Variants in IL1R1 observed in about 807,000 individuals in gnomAD.
The protein encoded by IL1R1 is interleukin 1 receptor type 1.
In IL1R1, 22 loss-of-function variants were observed where a neutral mutation model predicts 50.2. The observed-to-expected ratio is 0.44, with a 90% CI of 0.31 to 0.63. The LOEUF is 0.63. Among genes scored for constraint, IL1R1 ranks in the 20% least tolerant of loss-of-function variants. The pLI is 0.07. For synonymous variants in IL1R1, 251 were observed against 236.7 expected (o/e 1.06, Z -0.55); for missense variants, 509 against 676.2 (o/e 0.75, Z 2.74).
At chr2:102,176,190 AAATT>A (rs2104654917) in intron 11 of IL1R1, 159 bp from the exon 12 acceptor site, 1 of 623,110 alleles carries the variant, frequency 1.6e-6, no homozygotes, top group Non-Finnish European at 2.7e-6. Context: ...CTGTCTCTTA[AAATT>A]AATTAATTAA....
At chr2:102,102,037 C>T (rs556960840), upstream of IL1R1, among the ~76,000 whole-genome samples, 1 of 152,120 alleles carries the variant, frequency 6.6e-6, no homozygotes, top group African/African-American at 2.4e-5. Context: ...AGTGCAGATT[C>T]CTCCAATTTT....
At chr2:102,127,657 CTGTGTGTGTGTGTGTGTGTGTG>C (rs60587758) in intron 1 of IL1R1, among the ~76,000 whole-genome samples, 1 of 144,844 alleles carries the variant, frequency 6.9e-6, no homozygotes, top group East Asian at 2.0e-4. Flanking sequence ...GTGTGTGTGA[CTGTGTGTGTGTGTGTGTGTGTG>C]TGTGTGTGTG....
At chr2:102,102,214 G>A (rs1371500553), upstream of IL1R1, among the ~76,000 whole-genome samples, 3 of 152,222 alleles carry the variant, frequency 2.0e-5, no homozygotes, top group Non-Finnish European at 4.4e-5. Context: ...GTACCAGGAA[G>A]TATGAGACAA....
At chr2:102,088,577 C>G (rs144739319) in intron 1 of IL1R1, among the ~76,000 whole-genome samples, 1 of 152,312 alleles carries the variant, frequency 6.6e-6, no homozygotes, top group East Asian at 1.9e-4. Context: ...GAGAAATGGA[C>G]GTTGGCGTCA....
chr2:102,117,712 T>C (rs1205991736), intron 1 of IL1R1, among the ~76,000 whole-genome samples: 1 of 152,074 alleles, frequency 6.6e-6, no homozygotes, highest in African/African-American at 2.4e-5. Flanking sequence ...GGAGGTGTAG[T>C]AAGGATTTCT....
rs745865524 is a variant in IL1R1, at chr2:102,157,709, A to G, written c.-6-10A>G. On this transcript the variant is annotated splice_polypyrimidine_tract_variant and intron_variant, in intron 2 of 11. Transcript: ENST00000410023. The stretch of plus-strand genomic sequence containing the variant: ...GCTTTTGTCTTTCTTTCGTTCCTCC[A>G]TTTCTCCAGAAGAATATGAAAGTGT... 1 of 1,577,688 alleles carries G rather than the reference A, an allele frequency of 6.3e-7. No homozygotes were observed. The highest frequency in any genetic ancestry group is 1.1e-5 in the South Asian group (1 of 89,682).
intron 6 of IL1R1, among the ~76,000 whole-genome samples, chr2:102,167,451 T>A (rs1362221004): frequency 7.1e-6 from 1 of 141,590 alleles, no homozygotes; most frequent in African/African-American, 2.7e-5. Flanking sequence ...TGTTTTTTTT[T>A]TTTTTTTTTT....
intron 1 of IL1R1, among the ~76,000 whole-genome samples, chr2:102,099,159 G>T (rs1469721326): frequency 2.0e-5 from 3 of 152,162 alleles, no homozygotes; most frequent in African/African-American, 7.2e-5. Context: ...AAAGTCTGTA[G>T]ATCCAAATCC....
At chr2:102,176,295 A>C in intron 11 of IL1R1, 58 bp from the exon 12 acceptor site, 1 of 1,501,380 alleles carries the variant, frequency 6.7e-7, no homozygotes, top group Non-Finnish European at 9.1e-7. Context: ...GCTTTGGTTC[A>C]GGAGAGAATG....
At chr2:102,098,536 A>G (rs919842783) in intron 1 of IL1R1, among the ~76,000 whole-genome samples, 3 of 152,212 alleles carry the variant, frequency 2.0e-5, no homozygotes, top group Non-Finnish European at 2.9e-5. Context: ...AAGCTGGGTC[A>G]TATTCGACAG....
intron 1 of IL1R1, among the ~76,000 whole-genome samples, chr2:102,105,889 TTTTATCCTTGATCTCCATAA>T (rs1271787825): frequency 2.6e-5 from 4 of 152,200 alleles, no homozygotes; most frequent in South Asian, 2.1e-4. Context: ...TGCCTTGCAT[TTTTATCCTTGATCTCCATAA>T]TTTATCCTTG....
At chr2:102,088,168 G>C (rs1164755698) in intron 1 of IL1R1, among the ~76,000 whole-genome samples, 8 of 152,172 alleles carry the variant, frequency 5.3e-5, no homozygotes, top group Admixed American at 5.2e-4. Flanking sequence ...ATGACATCTA[G>C]AATGGTGAAT....
chr2:102,166,334 TG>T (rs1185985704), intron 6 of IL1R1, 53 bp downstream of exon 6: 1 of 1,349,162 alleles, frequency 7.4e-7, no homozygotes, highest in Non-Finnish European at 1.0e-6. Context: ...GTCCAGAGAC[TG>T]TGATTCTAAT....
chr2:102,094,627 CAATT>C (rs1375952399), intron 1 of IL1R1, among the ~76,000 whole-genome samples: 13 of 152,196 alleles, frequency 8.5e-5, no homozygotes, highest in Non-Finnish European at 1.3e-4. Context: ...AATGTCTTGA[CAATT>C]AAGTTGTGTA....
At chr2:102,105,254 C>A (rs1680337464) in intron 1 of IL1R1, among the ~76,000 whole-genome samples, 1 of 152,168 alleles carries the variant, frequency 6.6e-6, no homozygotes, top group African/African-American at 2.4e-5. Flanking sequence ...TTTTATAAGA[C>A]TGTTGTTACT....
rs576891229 is a variant in IL1R1 at position 102,151,947 on chromosome 2, G to A, written c.-83-1994G>A. The stretch of plus-strand genomic sequence containing the variant: ...CAGTGAAGGCAGAAGAGTAGGGGGC[G>A]CTGACCCTCATCCCAGGGGTCAGGC... On this transcript the variant is annotated intron_variant, in intron 1 of 11. Transcript: ENST00000410023. 9.9e-5 allele frequency among the ~76,000 whole-genome samples: 15 copies of A among 152,266 alleles called. 1 individual carries two copies. Among genetic ancestry groups the A allele is most frequent in the South Asian group, 6.2e-4 (3 of 4,824 alleles).
At chr2:102,130,158 G>A (rs1306146702) in intron 1 of IL1R1, among the ~76,000 whole-genome samples, 1 of 152,136 alleles carries the variant, frequency 6.6e-6, no homozygotes, top group Non-Finnish European at 1.5e-5. Context: ...GCGGTCTCTG[G>A]AAAAGTCCAC....
upstream of IL1R1, among the ~76,000 whole-genome samples, chr2:102,101,979 G>T: frequency 6.8e-6 from 1 of 148,050 alleles, no homozygotes; most frequent in Middle Eastern, 3.7e-3. Flanking sequence ...GTGTGGGTGC[G>T]TGTGGGTGCA....
rs1032584759 is a variant in IL1R1, at chr2:102,113,310, C to T, written c.-84+8438C>T. Among the ~76,000 whole-genome samples the T allele has an allele frequency of 2.6e-4, 40 of 152,204 alleles. 1 individual carries two copies. Among genetic ancestry groups the T allele is most frequent in the Admixed American group, 1.9e-3 (29 of 15,290 alleles). On this transcript the variant is annotated intron_variant, in intron 1 of 10. Transcript: ENST00000409329. ...TTGTGGAAATTTGCCTTCTTTTATC[C>T]TTTGGTGAGAAATTATTAGCGGTGA...
Sources: gnomAD v4.1 joint callset for allele counts (sites outside exome capture counted in the v4.1 genomes callset) on GRCh38, gnomAD v4.1.1 for gene constraint, MANE v1.5 for transcripts, NCBI Gene and HGNC (gene_info 2026-07-23, HGNC 2026-07-21) for gene names.